Variants in PDE4DIP observed in about 807,000 individuals in gnomAD.
PDE4DIP encodes myomegalin.
Under a neutral mutation model 221.4 loss-of-function variants are expected in PDE4DIP, and 59 were observed. That is an observed-to-expected ratio of 0.27 (90% CI 0.22 to 0.33). PDE4DIP has a LOEUF of 0.33. PDE4DIP is among the 10% of genes least tolerant of loss of function. PDE4DIP has a pLI of 1.00. For synonymous variants in PDE4DIP, 404 were observed against 815.9 expected (o/e 0.50, Z 8.60); for missense variants, 1,036 against 2,154.2 (o/e 0.48, Z 10.28).
At chr1:148,824,385 C>T (rs1236728718) in intron 1 of PDE4DIP, among the ~76,000 whole-genome samples, 1 of 149,464 alleles carries the variant, frequency 6.7e-6, no homozygotes, top group South Asian at 2.1e-4. Flanking sequence ...CATGCATACT[C>T]CAAATGGAAG....
At chr1:149,029,745 G>A (rs782001522) in intron 41 of PDE4DIP, 42 bp from the exon 45 acceptor site, 114 of 996,566 alleles carry the variant, frequency 1.1e-4, no homozygotes, top group Middle Eastern at 6.3e-4. Context: ...GGGTGCTTTA[G>A]GCCTTCTGCC....
chr1:149,028,264 G>A (rs1380842881), intron 40 of PDE4DIP, among the ~76,000 whole-genome samples: 17 of 148,534 alleles, frequency 1.1e-4, no homozygotes, highest in Admixed American at 1.1e-3. Context: ...GTCATCCTCT[G>A]TGCTGTGAGA....
intron 22 of PDE4DIP, chr1:148,992,630 C>T (rs1172647467): frequency 9.7e-7 from 1 of 1,031,456 alleles, no homozygotes; most frequent in Non-Finnish European, 1.2e-6. Flanking sequence ...AGTGAATAAT[C>T]TGGACTTCAG....
intron 1 of PDE4DIP, among the ~76,000 whole-genome samples, chr1:148,893,080 TGTG>T: frequency 7.6e-6 from 1 of 131,960 alleles, no homozygotes; most frequent in Non-Finnish European, 1.6e-5. Context: ...TGTGTGTGTG[TGTG>T]TGTGTGTGTG....
At chr1:148,979,700 C>A (rs369050008) in intron 19 of PDE4DIP, 37 bp from the exon 23 acceptor site, 188 of 1,579,058 alleles carry the variant, frequency 1.2e-4, no homozygotes, top group Non-Finnish European at 1.6e-4. Context: ...TCTCACTGTG[C>A]CATTTGCGTA....
intron 21 of PDE4DIP, among the ~76,000 whole-genome samples, chr1:148,986,964 T>C (rs1453562731): frequency 3.9e-5 from 6 of 152,216 alleles, no homozygotes; most frequent in African/African-American, 1.4e-4. Context: ...AATTTACATG[T>C]GCCTTGGTTA....
chr1:148,994,667 G>T (rs1244567488), intron 22 of PDE4DIP, among the ~76,000 whole-genome samples: 2 of 151,770 alleles, frequency 1.3e-5, no homozygotes, highest in Non-Finnish European at 2.9e-5. Flanking sequence ...TACCATTTTT[G>T]ATGGTGAAAC....
chr1:148,844,244 C>G (rs1295196137), intron 1 of PDE4DIP, 184 bp from the exon 1 acceptor site: 1 of 140,988 alleles, frequency 7.1e-6, no homozygotes, highest in African/African-American at 2.6e-5. Context: ...ACCGCGTCCT[C>G]TAAGCTCTCT....
chr1:149,011,060 A>G (rs2068460996), intron 31 of PDE4DIP, among the ~76,000 whole-genome samples: 1 of 151,778 alleles, frequency 6.6e-6, no homozygotes, highest in South Asian at 2.1e-4. Flanking sequence ...TGTTCATAGT[A>G]CGTTACCATT....
chr1:148,940,706 T>C (rs1425531969), intron 5 of PDE4DIP, among the ~76,000 whole-genome samples: 1 of 150,972 alleles, frequency 6.6e-6, no homozygotes, highest in Non-Finnish European at 1.5e-5. Context: ...CGCTGATAGT[T>C]GGTCCTCTCA....
chr1:148,978,145 C>G, intron 18 of PDE4DIP, 92 bp downstream of exon 21: 4 of 1,335,058 alleles, frequency 3.0e-6, no homozygotes, highest in Non-Finnish European at 4.2e-6. Flanking sequence ...ACATCGAATC[C>G]CTTGGCCAGT....
Position 149,023,591 on chromosome 1 carries a change from T to C in PDE4DIP, c.6086-854T>C, listed in dbSNP as rs1215487753. On this transcript the variant is annotated intron_variant, in intron 37 of 43. Transcript: ENST00000369354. Reference sequence around the variant, plus strand: ...TATATATATGTGTGTACATGTCATATATGTACATGTATATGTGTGCACATA... The same window carrying C: ...TATATATATGTGTGTACATGTCATACATGTACATGTATATGTGTGCACATA... Among the ~76,000 whole-genome samples, 55 of 146,064 alleles carry C rather than the reference T, an allele frequency of 3.8e-4. 1 individual carries two copies. Among genetic ancestry groups the C allele is most frequent in the African/African-American group, 1.1e-3 (44 of 39,566 alleles).
chr1:148,886,926 C>CT, upstream of PDE4DIP, among the ~76,000 whole-genome samples: 1 of 149,406 alleles, frequency 6.7e-6, no homozygotes, highest in East Asian at 2.0e-4. Flanking sequence ...AAGTATAGCC[C>CT]TAAAAGTGGA....
At position 149,010,439 on chromosome 1, in the gene PDE4DIP, A is replaced by G. The variant is rs782018220; in HGVS notation, c.4928-4A>G. The G allele has an allele frequency of 2.0e-5, 33 of 1,613,114 alleles. 1 individual carries two copies. The South Asian group carries it at 3.5e-4, about 17-fold the overall frequency. On this transcript the variant is annotated splice_polypyrimidine_tract_variant and splice_region_variant and intron_variant, in intron 30 of 43. Transcript: ENST00000369354. ...ACGTTTTCTTTCATTCATGGATTTT[A>G]TAGATTCCATCCATCATTCGAGTCA...
chr1:148,972,746 G>C (rs1553531862), intron 16 of PDE4DIP, among the ~76,000 whole-genome samples, 154 bp downstream of exon 19: 2 of 151,898 alleles, frequency 1.3e-5, no homozygotes, highest in African/African-American at 4.8e-5. Flanking sequence ...CTGAAGAACT[G>C]TCCTTACCTT....
chr1:149,023,061 C>T (rs1424144602), intron 37 of PDE4DIP, among the ~76,000 whole-genome samples: 1 of 152,294 alleles, frequency 6.6e-6, no homozygotes, highest in Non-Finnish European at 1.5e-5. Context: ...TTACCAAAGT[C>T]CCTAAAATTG....
chr1:148,952,979 G>T (rs374776316), intron 5 of PDE4DIP: 1 of 1,612,492 alleles, frequency 6.2e-7, no homozygotes. Context: ...ATTCGACACA[G>T]TTATTGCCCG....
chr1:149,031,041 TA>T (rs1201754564), intron 43 of PDE4DIP: 26 of 298,072 alleles, frequency 8.7e-5, no homozygotes, highest in South Asian at 1.4e-4. Flanking sequence ...TTCTAATCCA[TA>T]ACCTGAGAGA....
In PDE4DIP at chr1:148,958,094, A is replaced by C. The variant is rs1367520522; in HGVS notation, c.637-2560A>C. Among the ~76,000 whole-genome samples the C allele has an allele frequency of 2.2e-5, 3 of 137,930 alleles. 1 individual carries two copies. The highest frequency in any genetic ancestry group is 8.3e-5 in the African/African-American group (3 of 36,104). 90.5% of individuals were successfully genotyped at this position (137,930 alleles called of 152,430 possible). A position where few individuals can be genotyped will look rare whatever the true frequency, so the allele number is the denominator to read the frequency against. On this transcript the variant is annotated intron_variant, in intron 5 of 43. Transcript: ENST00000369354. ...GGTGTGACATAGTTCATATTGCCTC[A>C]GGTGAAGGCTTCCTGTTATACTCAC...
Sources: allele counts gnomAD v4.1 joint callset (sites outside exome capture counted in the v4.1 genomes callset), GRCh38; gene constraint gnomAD v4.1.1; transcripts MANE v1.5; gene names NCBI Gene and HGNC (gene_info 2026-07-23, HGNC 2026-07-21).